Variants in MYO7B observed in about 807,000 individuals in gnomAD.
MYO7B encodes myosin VIIB, also known as unconventional myosin-VIIb.
In MYO7B, 212 loss-of-function variants were observed where a neutral mutation model predicts 259.7. The observed-to-expected ratio is 0.82, with a 90% CI of 0.73 to 0.91. The LOEUF (loss-of-function observed/expected upper bound fraction) is 0.91. Ranked by LOEUF, MYO7B falls within the 40% of genes least tolerant of loss-of-function variation. The probability of loss-of-function intolerance (pLI) is 0.00; values close to 1 mark genes in which losing one functional copy is unlikely to be tolerated. For synonymous variants in MYO7B, 1,197 were observed against 1,166.4 expected, an observed-to-expected ratio of 1.03 and a Z score of -0.54; for missense variants, 2,732 against 2,813.5, an observed-to-expected ratio of 0.97 and a Z score of 0.66.
chr2:127,594,042 G>C (rs2104982406), intron 18 of MYO7B, among the ~76,000 whole-genome samples: 1 of 152,370 alleles, frequency 6.6e-6, no homozygotes, highest in African/African-American at 2.4e-5. Context: ...TCCCTACACT[G>C]GGGAGGCCCA....
In MYO7B at chr2:127,621,989, T is replaced by G; in HGVS notation, c.3533T>G (p.Leu1178Arg). The change falls in exon 28 of 48, where the codon CTG becomes CGG. Residue 1178 changes from leucine to arginine, a missense_variant. Leu to Arg is a moderately radical substitution (Grantham distance 102). Coordinates refer to ENST00000409816, the MANE Select transcript of MYO7B (RefSeq NM_001393586.1). ...PPSERFMKYL[L>R]NFIGQGPATY... ...CCCCTCCTCACCCACCAGTATCTAC[T>G]GAACTTCATCGGCCAAGGGCCGGCG... The G allele has an allele frequency of 6.4e-7, 1 of 1,551,810 alleles. No homozygotes were observed. The highest frequency in any genetic ancestry group is 8.7e-7 in the Non-Finnish European group (1 of 1,146,996).
intron 1 of MYO7B, among the ~76,000 whole-genome samples, chr2:127,551,399 G>A (rs1237216748): frequency 3.3e-5 from 5 of 152,132 alleles, no homozygotes; most frequent in Admixed American, 6.6e-5. Context: ...CTCACAACAC[G>A]GGCCTCTCCT....
In MYO7B at chr2:127,637,692, C is replaced by T. The variant is rs1681933549; in HGVS notation, c.*275C>T. On this transcript the variant is annotated 3_prime_UTR_variant, in exon 48 of 48. Transcript: ENST00000409816. The stretch of plus-strand genomic sequence containing the variant: ...GACACCTCCCAACCCCACCCCACCC[C>T]ACCAGAATGTTCAATAAAAACTCCT... The T allele has an allele frequency of 2.6e-6, 1 of 387,814 alleles. No homozygotes were observed. Among genetic ancestry groups the T allele is most frequent in the African/African-American group, 2.1e-5 (1 of 48,620 alleles). The allele number at this position is 387,814 out of a possible 1,614,324, so 24.0% of individuals were successfully genotyped here.
Position 127,578,295 on chromosome 2 carries a change from G to A in MYO7B, c.1003+9G>A, listed in dbSNP as rs367901751. The stretch of plus-strand genomic sequence containing the variant: ...GAATGTGGGGTTCATGGGTAATGCC[G>A]GTTCTGCCCCAACTGCACCCTTGGG... On this transcript the variant is annotated intron_variant, in intron 9 of 47. Coordinates refer to ENST00000409816, the MANE Select transcript of MYO7B (RefSeq NM_001393586.1). 1.1e-5 allele frequency: 17 copies of A among 1,613,244 alleles called. No individual in the cohort carries two copies. Among genetic ancestry groups the A allele is most frequent in the African/African-American group, 6.7e-5 (5 of 74,842 alleles).
At chr2:127,603,545 TAAAATATTC>T (rs1175693287) in intron 19 of MYO7B, among the ~76,000 whole-genome samples, 1 of 152,214 alleles carries the variant, frequency 6.6e-6, no homozygotes, top group East Asian at 1.9e-4. Flanking sequence ...ATGGTGGCCT[TAAAATATTC>T]AGTAAACCAT....
At position 127,636,986 on chromosome 2, in the gene MYO7B, C is replaced by CCCCT; in HGVS notation, c.6327+74_6327+77dup. ...CTGGAGACTGGGTTCCCCACCCTCA[C>CCCCT]CCCTTTCAAGTGGCTCACTAAGAGG... On this transcript the variant is annotated intron_variant, in intron 47 of 47. Coordinates refer to ENST00000409816, the MANE Select transcript of MYO7B (RefSeq NM_001393586.1). This position sits in a 1 kb window ranked among gnomAD's most constrained non-coding sequence, Gnocchi z 4.5. The CCCCT allele has an allele frequency of 6.3e-7, 1 of 1,586,558 alleles. No individual in the cohort carries two copies. The highest frequency in any genetic ancestry group is 1.1e-5 in the South Asian group (1 of 89,440).
At chr2:127,619,198 A>G (rs1288509442) in intron 26 of MYO7B, among the ~76,000 whole-genome samples, 137 of 57,596 alleles carry the variant, frequency 2.4e-3, no homozygotes, top group Middle Eastern at 0.013. Context: ...GGCCAGCTGG[A>G]TGGTGGTGGC....
chr2:127,611,800 C>T lies in MYO7B; in HGVS notation c.3193-450C>T, dbSNP rs6719680. On this transcript the variant is annotated intron_variant, in intron 24 of 47. Transcript: ENST00000409816. This position sits in a 1 kb window ranked among gnomAD's most constrained non-coding sequence, Gnocchi z 5.4. ...ACCTGGCCTCTCAACCCCGGCTCTTCGGATCCCCTGCAGAGCACCTTGCAG... is the reference window on the plus strand; with the variant it reads ...ACCTGGCCTCTCAACCCCGGCTCTTTGGATCCCCTGCAGAGCACCTTGCAG... Among the ~76,000 whole-genome samples, 985 of 152,288 alleles carry T rather than the reference C, an allele frequency of 6.5e-3. 12 individuals are homozygous for T. The highest frequency in any genetic ancestry group is 0.022 in the African/African-American group (911 of 41,570).
chr2:127,592,961 G>A lies in MYO7B; in HGVS notation c.2145+15G>A. 4.4e-6 allele frequency: 7 copies of A among 1,573,824 alleles called. No homozygotes were observed. The highest frequency in any genetic ancestry group is 3.5e-5 in the South Asian group (3 of 85,702). On this transcript the variant is annotated intron_variant, in intron 17 of 47. Transcript: ENST00000409816. ...TGCGGATGCAGGTCAGCGCCCCTCG[G>A]GGACGGTCACCTCTGGCCATCCGCG...
At chr2:127,587,991 G>C (rs1051182153) in intron 14 of MYO7B, among the ~76,000 whole-genome samples, 2 of 152,140 alleles carry the variant, frequency 1.3e-5, no homozygotes, top group African/African-American at 2.4e-5. Context: ...TGATGTATAG[G>C]GTGTTAGGAC....
chr2:127,541,224 G>C (rs1692992717), intron 1 of MYO7B, among the ~76,000 whole-genome samples: 1 of 151,738 alleles, frequency 6.6e-6, no homozygotes, highest in Non-Finnish European at 1.5e-5. Context: ...GGCATCTCCA[G>C]GGCTGTCTCC....
chr2:127,557,872 A>G (rs1464195745), intron 1 of MYO7B, among the ~76,000 whole-genome samples: 1 of 152,244 alleles, frequency 6.6e-6, no homozygotes, highest in East Asian at 1.9e-4. Context: ...TAAATCTAAG[A>G]CCTAAAACTA....
intron 26 of MYO7B, among the ~76,000 whole-genome samples, chr2:127,619,658 T>C (rs984008896): frequency 6.6e-6 from 1 of 152,124 alleles, no homozygotes; most frequent in Non-Finnish European, 1.5e-5. Flanking sequence ...GAATTGGGCT[T>C]TTCTTCTTGG....
At chr2:127,572,257 A>G (rs2104900267) in intron 6 of MYO7B, among the ~76,000 whole-genome samples, 1 of 152,276 alleles carries the variant, frequency 6.6e-6, no homozygotes, top group East Asian at 1.9e-4. Context: ...CATCTCTACT[A>G]AAAATACAAA....
chr2:127,565,435 AC>A, intron 4 of MYO7B, 50 bp downstream of exon 4: 1 of 1,597,152 alleles, frequency 6.3e-7, no homozygotes, highest in Non-Finnish European at 8.6e-7. Context: ...ACAGGTGCCA[AC>A]CTCCTGGACA....
intron 2 of MYO7B, among the ~76,000 whole-genome samples, chr2:127,560,246 G>A (rs141334849): frequency 1.9e-3 from 294 of 152,100 alleles, no homozygotes; most frequent in Non-Finnish European, 1.5e-3. Flanking sequence ...GGCTGGTCTC[G>A]AATTCCTGAG....
rs569443464 is a variant in MYO7B, at chr2:127,632,223, G to A, written c.5250-23G>A. On this transcript the variant is annotated intron_variant, in intron 38 of 47. Coordinates refer to ENST00000409816, the MANE Select transcript of MYO7B (RefSeq NM_001393586.1). Reference sequence around the variant, plus strand: ...CAGGGCCCCCTGAGGGGCCTTTCCCGGCTGACAAGTGCTACCCTTCAGGCA... The same window carrying A: ...CAGGGCCCCCTGAGGGGCCTTTCCCAGCTGACAAGTGCTACCCTTCAGGCA... 987 of 1,607,270 alleles carry A rather than the reference G, an allele frequency of 6.1e-4. 9 individuals are homozygous for A. The South Asian group carries it at 9.0e-3, about 15-fold the overall frequency.
At chr2:127,570,424 A>G (rs546665349) in intron 6 of MYO7B, among the ~76,000 whole-genome samples, 8 of 152,288 alleles carry the variant, frequency 5.3e-5, no homozygotes, top group Admixed American at 1.3e-4. Flanking sequence ...ATCCAGATCT[A>G]AGTCTTGGCC....
chr2:127,580,570 T>C (rs200316003), intron 9 of MYO7B, among the ~76,000 whole-genome samples, 176 bp from the exon 10 acceptor site: 3 of 152,320 alleles, frequency 2.0e-5, no homozygotes, highest in South Asian at 2.1e-4. Context: ...GAATGACCCA[T>C]GGTCATGGGG....
Sources: allele counts gnomAD v4.1 joint callset (sites outside exome capture counted in the v4.1 genomes callset), GRCh38; gene constraint gnomAD v4.1.1; non-coding constraint Gnocchi (gnomAD v3.1); transcripts MANE v1.5; gene names NCBI Gene and HGNC (gene_info 2026-07-23, HGNC 2026-07-21).